TRAPPC10: variants seen among roughly 807,000 people sequenced by gnomAD.
The protein encoded by TRAPPC10 is trafficking protein particle complex subunit 10.
TRAPPC10 carries 23 observed loss-of-function variants against 125.5 expected under a neutral mutation model. The observed-to-expected ratio is 0.18, with a 90% confidence interval of 0.13 to 0.26. TRAPPC10 has a LOEUF of 0.26. Among genes scored for constraint, TRAPPC10 ranks in the 10% least tolerant of loss-of-function variants. The pLI is 1.00. For synonymous variants in TRAPPC10, 509 were observed against 518.0 expected (o/e 0.98, Z 0.24); for missense variants, 1,123 against 1,308.4 (o/e 0.86, Z 2.19).
chr21:44,087,390 TGGATCTGC>T lies in TRAPPC10; in HGVS notation c.2540-304_2540-297del, dbSNP rs1012754199. ...GGACCCTGCTCCCCTGGGGTGGGGG[TGGATCTGC>T]GGATGAGCTGGAACGGGAGAAAGTC... On this transcript the variant is annotated intron_variant, in intron 16 of 22. Coordinates refer to ENST00000291574, the MANE Select transcript of TRAPPC10 (RefSeq NM_003274.5). This position sits in a 1 kb window ranked among gnomAD's most constrained non-coding sequence, Gnocchi z 4.6. Among the ~76,000 whole-genome samples, 8 of 151,666 alleles carry T rather than the reference TGGATCTGC, an allele frequency of 5.3e-5. No individual in the cohort carries two copies. The highest frequency in any genetic ancestry group is 5.3e-4 in the Admixed American group (8 of 15,238).
chr21:44,087,908 A>T lies in TRAPPC10; in HGVS notation c.2749A>T (p.Met917Leu). ...HKDKQRTGRC[M>L]VTTDHKVSID... ...GGACAAACAGAGAACTGGCCGCTGCATGGTTACCACAGACCACAAAGTGAG... is the reference window on the plus strand; with the variant it reads ...GGACAAACAGAGAACTGGCCGCTGCTTGGTTACCACAGACCACAAAGTGAG... Residue 917 changes from methionine to leucine, a missense_variant, in exon 17 of 23, where the codon ATG (methionine) becomes TTG (leucine). By Grantham distance (15) the Met-to-Leu change is conservative. Transcript: ENST00000291574. This position sits in a 1 kb window ranked among gnomAD's most constrained non-coding sequence, Gnocchi z 4.6. 1 of 1,613,840 alleles carries T rather than the reference A, an allele frequency of 6.2e-7. No individual in the cohort carries two copies. The highest frequency in any genetic ancestry group is 8.5e-7 in the Non-Finnish European group (1 of 1,179,938).
intron 1 of TRAPPC10, among the ~76,000 whole-genome samples, chr21:44,023,007 A>G (rs996590889): frequency 5.4e-5 from 7 of 130,068 alleles, no homozygotes; most frequent in African/African-American, 2.0e-4. Flanking sequence ...AAATGGTGAT[A>G]TTCTCATTTC....
intron 7 of TRAPPC10, among the ~76,000 whole-genome samples, chr21:44,073,720 A>G (rs764081493): frequency 1.3e-5 from 2 of 152,212 alleles, no homozygotes; most frequent in Non-Finnish European, 2.9e-5. Flanking sequence ...TAAATACTGC[A>G]GTGTATAGGG....
chr21:44,030,697 A>G (rs891630586), intron 1 of TRAPPC10, among the ~76,000 whole-genome samples: 3 of 151,932 alleles, frequency 2.0e-5, no homozygotes, highest in Admixed American at 1.3e-4. Context: ...CAAACTCCCT[A>G]CCTCAGGTGA....
intron 7 of TRAPPC10, among the ~76,000 whole-genome samples, chr21:44,067,987 G>T (rs1388462500): frequency 6.6e-6 from 1 of 152,074 alleles, no homozygotes; most frequent in African/African-American, 2.4e-5. Flanking sequence ...GGGCGTGATG[G>T]CAGGCGCCTG....
At chr21:44,026,167 A>G (rs1241177446) in intron 1 of TRAPPC10, among the ~76,000 whole-genome samples, 2 of 151,998 alleles carry the variant, frequency 1.3e-5, no homozygotes, top group Non-Finnish European at 2.9e-5. Flanking sequence ...TCTGGATAAC[A>G]TCTGGATCCT....
chr21:44,063,392 A>T lies in TRAPPC10; in HGVS notation c.791-146A>T. On this transcript the variant is annotated intron_variant, in intron 6 of 22. Coordinates refer to ENST00000291574, the MANE Select transcript of TRAPPC10 (RefSeq NM_003274.5). The surrounding 1 kb of genome is among the most constrained non-coding windows in gnomAD (Gnocchi z 4.4). Reference sequence around the variant, plus strand: ...GCTGTCAGTGCTGGGAGCCGAATGCATCACTAGACCACAGGGGGTGGGCCA... The same window carrying T: ...GCTGTCAGTGCTGGGAGCCGAATGCTTCACTAGACCACAGGGGGTGGGCCA... 1 of 1,289,992 alleles carries T rather than the reference A, an allele frequency of 7.8e-7. No individual in the cohort carries two copies. 79.9% of individuals were successfully genotyped at this position (1,289,992 alleles called of 1,614,324 possible). A position where few individuals can be genotyped will look rare whatever the true frequency, so the allele number is the denominator to read the frequency against.
rs765948182 is a variant in TRAPPC10 at position 44,094,172 on chromosome 21, A to G, written c.3107A>G (p.Glu1036Gly). The G allele has an allele frequency of 7.4e-6, 12 of 1,614,182 alleles. No individual in the cohort carries two copies. The highest frequency in any genetic ancestry group is 9.3e-6 in the Non-Finnish European group (11 of 1,180,026). The change falls in exon 20 of 23, where the codon GAG (glutamate) becomes GGG (glycine). Residue 1036 changes from glutamate to glycine, a missense_variant. By Grantham distance (98) the Glu-to-Gly change is moderately conservative (BLOSUM62 -2). This residue lies in a region of TRAPPC10 where 840 missense variants were observed against 902.0 expected (regional missense o/e 0.93). Coordinates refer to ENST00000291574, the MANE Select transcript of TRAPPC10 (RefSeq NM_003274.5). ...RFSVGFSPAS[E>G]EQLSISLKPY... ...TCTGTTGGATTTTCCCCAGCTTCTG[A>G]GGAACAGCTGTCTATCTCCTTAAAG...
intron 7 of TRAPPC10, among the ~76,000 whole-genome samples, chr21:44,067,636 A>T (rs1046963760): frequency 2.0e-5 from 3 of 152,204 alleles, no homozygotes; most frequent in Non-Finnish European, 2.9e-5. Flanking sequence ...GGCCCCACCT[A>T]CCGGCATGAG....
At chr21:44,033,903 A>G (rs2033783498) in intron 2 of TRAPPC10, among the ~76,000 whole-genome samples, 1 of 151,688 alleles carries the variant, frequency 6.6e-6, no homozygotes. Context: ...TAATATTTGT[A>G]TTCATCTCTT....
intron 13 of TRAPPC10, 78 bp downstream of exon 13, chr21:44,080,205 C>T (rs2037592846): frequency 7.4e-6 from 9 of 1,219,972 alleles, no homozygotes; most frequent in Non-Finnish European, 9.4e-6. Context: ...GATATACCAA[C>T]CACTTACAGT....
At chr21:44,074,300 A>G in intron 7 of TRAPPC10, 24 bp from the exon 8 acceptor site, 1 of 1,613,158 alleles carries the variant, frequency 6.2e-7, no homozygotes, top group Non-Finnish European at 8.5e-7. Context: ...CACCCCTCAC[A>G]CGTTCGCATT....
intron 3 of TRAPPC10, among the ~76,000 whole-genome samples, chr21:44,042,805 G>A (rs1357709033): frequency 6.6e-6 from 1 of 152,122 alleles, no homozygotes; most frequent in African/African-American, 2.4e-5. Flanking sequence ...GTATTATTTG[G>A]TGCTTAGGTG....
chr21:44,074,750 C>T (rs370199110), intron 8 of TRAPPC10, among the ~76,000 whole-genome samples: 5 of 152,226 alleles, frequency 3.3e-5, no homozygotes, highest in Admixed American at 3.3e-4. Flanking sequence ...GTCAGCTCAC[C>T]AGGCAGAGCT....
intron 1 of TRAPPC10, among the ~76,000 whole-genome samples, chr21:44,014,590 T>C (rs913289083): frequency 4.2e-5 from 5 of 120,032 alleles, no homozygotes; most frequent in Admixed American, 1.5e-4. Context: ...TTTGTTTGTT[T>C]TTGTTTTTTT....
At chr21:44,036,641 G>A (rs959614975) in intron 2 of TRAPPC10, among the ~76,000 whole-genome samples, 2 of 152,166 alleles carry the variant, frequency 1.3e-5, no homozygotes, top group African/African-American at 2.4e-5. Context: ...GAAACCTTGC[G>A]ACCCTCTGAG....
intron 2 of TRAPPC10, 129 bp downstream of exon 2, chr21:44,032,301 A>T (rs941231280): frequency 4.5e-6 from 3 of 665,716 alleles, no homozygotes; most frequent in Non-Finnish European, 7.4e-6. Flanking sequence ...TAAAAGCCTC[A>T]GTTCTAAAGA....
chr21:44,060,564 C>CCATG (rs963418203), intron 6 of TRAPPC10, among the ~76,000 whole-genome samples: 30 of 151,998 alleles, frequency 2.0e-4, no homozygotes, highest in African/African-American at 6.0e-4. Context: ...GTGTGAGCCA[C>CCATG]CATGCCCGGC....
In TRAPPC10 at chr21:44,091,951, T is replaced by G; in HGVS notation, c.2899T>G (p.Leu967Val). ...ATATGTTCAAGTTTGTGTCCAGAAT[T>G]TGTCAGAACTTGACTTTCAGCTGTC... is the stretch of plus-strand genomic sequence containing the variant. ...RKYVQVCVQN[L>V]SELDFQLSDS... Residue 967 changes from leucine (L) to valine (V), a missense_variant, in exon 19 of 23, where the codon TTG (leucine) becomes GTG (valine). Leu to Val is a conservative substitution (Grantham distance 32). Transcript: ENST00000291574. 6.2e-7 allele frequency: 1 copy of G among 1,614,118 alleles called. No homozygotes were observed.
Sources: allele counts gnomAD v4.1 joint callset (sites outside exome capture counted in the v4.1 genomes callset), GRCh38; gene constraint gnomAD v4.1.1; regional missense constraint gnomAD v4.1.1; non-coding constraint Gnocchi (gnomAD v3.1); transcripts MANE v1.5; gene names NCBI Gene and HGNC (gene_info 2026-07-23, HGNC 2026-07-21).